PATJ: variants seen among roughly 807,000 people sequenced by gnomAD.
PATJ encodes the protein inaD-like protein.
Under a neutral mutation model 224.9 loss-of-function variants are expected in PATJ, and 190 were observed. That is an observed-to-expected ratio of 0.84 (90% CI 0.75 to 0.95). PATJ has a LOEUF of 0.95. Among genes scored for constraint, PATJ ranks in the 40% least tolerant of loss-of-function variants. PATJ has a pLI of 0.00. For missense variants in PATJ, 2,121 were observed against 2,270.3 expected (o/e 0.93, Z 1.34); for synonymous variants, 769 against 820.3 (o/e 0.94, Z 1.07).
At chr1:61,831,533 A>T (rs536776047) in intron 16 of PATJ, among the ~76,000 whole-genome samples, 1 of 152,362 alleles carries the variant, frequency 6.6e-6, no homozygotes, top group Non-Finnish European at 1.5e-5. Flanking sequence ...CACGTCGCAC[A>T]CTTCTCAAAA....
chr1:61,980,829 C>A (rs928141579), intron 27 of PATJ, among the ~76,000 whole-genome samples: 7 of 151,954 alleles, frequency 4.6e-5, no homozygotes, highest in African/African-American at 1.7e-4. Flanking sequence ...GCTACCATTT[C>A]TCTCTTAAGT....
chr1:61,979,621 C>A (rs770196018), intron 27 of PATJ, among the ~76,000 whole-genome samples: 57 of 148,432 alleles, frequency 3.8e-4, no homozygotes, highest in Non-Finnish European at 8.0e-4. Context: ...CCACTGCACT[C>A]CAGCCTGGCG....
chr1:62,121,226 C>G lies in PATJ; in HGVS notation c.4936C>G (p.Pro1646Ala). 2 of 1,613,932 alleles carry G rather than the reference C, an allele frequency of 1.2e-6. No individual in the cohort carries two copies. Among genetic ancestry groups the G allele is most frequent in the Non-Finnish European group, 1.7e-6 (2 of 1,179,980 alleles). The change falls in exon 38 of 44, where the codon CCT becomes GCT. Residue 1646 changes from proline to alanine, a missense_variant. Coordinates refer to ENST00000642238, the MANE Select transcript of PATJ (RefSeq NM_001350145.3). ...CAGCAGCTGTCATCCCTCCTTCGCTCCTGTCATCACTGGCCTGCAAAACCT... is the reference window on the plus strand; with the variant it reads ...CAGCAGCTGTCATCCCTCCTTCGCTGCTGTCATCACTGGCCTGCAAAACCT... The part of the protein sequence containing the change: ...AHSSCHPSFA[P>A]VITGLQNLVG...
intron 11 of PATJ, among the ~76,000 whole-genome samples, chr1:61,801,023 A>G (rs996139990): frequency 1.3e-5 from 2 of 152,188 alleles, no homozygotes; most frequent in African/African-American, 4.8e-5. Context: ...TATTGTGGAT[A>G]ATGCCGCAAT....
chr1:61,910,713 G>C (rs1672511434), intron 25 of PATJ, among the ~76,000 whole-genome samples: 1 of 151,378 alleles, frequency 6.6e-6, no homozygotes, highest in African/African-American at 2.4e-5. Flanking sequence ...TGCCCAGCTA[G>C]TTTTTGATTT....
chr1:61,872,311 T>G (rs1325789194), intron 20 of PATJ, among the ~76,000 whole-genome samples: 2 of 152,154 alleles, frequency 1.3e-5, no homozygotes, highest in Non-Finnish European at 2.9e-5. Context: ...CCATTAGTTA[T>G]CTGATATAGT....
chr1:61,786,272 T>C (rs1478058939), intron 7 of PATJ, among the ~76,000 whole-genome samples: 1 of 152,206 alleles, frequency 6.6e-6, no homozygotes, highest in Non-Finnish European at 1.5e-5. Flanking sequence ...TCCACCCACC[T>C]TGGCCTCCCA....
intron 22 of PATJ, among the ~76,000 whole-genome samples, chr1:61,898,116 C>G (rs1670629997): frequency 6.6e-6 from 1 of 152,118 alleles, no homozygotes; most frequent in Non-Finnish European, 1.5e-5. Flanking sequence ...AGTATTGAAA[C>G]TTAGGGCTAA....
At chr1:62,050,406 C>T (rs1653390684) in intron 30 of PATJ, among the ~76,000 whole-genome samples, 1 of 152,154 alleles carries the variant, frequency 6.6e-6, no homozygotes, top group African/African-American at 2.4e-5. Flanking sequence ...CCTAGTTTTG[C>T]CAGCAGAGAA....
At chr1:62,105,857 G>A (rs1662846760) in intron 33 of PATJ, among the ~76,000 whole-genome samples, 1 of 151,028 alleles carries the variant, frequency 6.6e-6, no homozygotes, top group African/African-American at 2.4e-5. Flanking sequence ...TAGACCTCTT[G>A]TTTTCTTTTG....
At chr1:61,877,225 C>T (rs1667453802) in intron 21 of PATJ, among the ~76,000 whole-genome samples, 1 of 150,180 alleles carries the variant, frequency 6.7e-6, no homozygotes, top group South Asian at 2.1e-4. Flanking sequence ...ATGTACTGCT[C>T]ACGTGGTTAT....
intron 26 of PATJ, among the ~76,000 whole-genome samples, chr1:61,914,976 TTGC>T (rs1198896760): frequency 6.6e-6 from 1 of 152,194 alleles, no homozygotes; most frequent in East Asian, 1.9e-4. Flanking sequence ...GACTTTGATC[TTGC>T]TGCTCTCGCC....
intron 41 of PATJ, among the ~76,000 whole-genome samples, chr1:62,136,573 G>A (rs953841666): frequency 6.7e-6 from 1 of 149,968 alleles, no homozygotes; most frequent in Non-Finnish European, 1.5e-5. Context: ...CAGCCTTCCT[G>A]TTTGTTTTCA....
intron 31 of PATJ, 57 bp from the exon 32 acceptor site, chr1:62,079,393 A>G: frequency 1.9e-6 from 2 of 1,033,728 alleles, no homozygotes; most frequent in South Asian, 1.3e-5. Context: ...GTTTTAAAGT[A>G]TTTTCTTGTT....
At chr1:62,143,281 G>A (rs1570789021) in intron 41 of PATJ, among the ~76,000 whole-genome samples, 1 of 152,032 alleles carries the variant, frequency 6.6e-6, no homozygotes, top group African/African-American at 2.4e-5. Flanking sequence ...ATCTGGAGGT[G>A]CCATTTACTA....
intron 43 of PATJ, among the ~76,000 whole-genome samples, chr1:62,154,289 TAC>T (rs2149051436): frequency 6.6e-6 from 1 of 152,254 alleles, no homozygotes; most frequent in Admixed American, 6.5e-5. Flanking sequence ...AAATTGATAC[TAC>T]AGTTTTTTTT....
At chr1:61,894,387 C>A (rs545708335) in intron 22 of PATJ, among the ~76,000 whole-genome samples, 1 of 152,250 alleles carries the variant, frequency 6.6e-6, no homozygotes, top group South Asian at 2.1e-4. Context: ...TGTGTCTCTA[C>A]CCAAATCTCA....
At position 62,161,879 on chromosome 1, in the gene PATJ, G is replaced by C. The variant is rs952362561; in HGVS notation, c.*825G>C. The C allele has an allele frequency of 2.0e-5, 3 of 152,176 alleles. No individual in the cohort carries two copies. Among genetic ancestry groups the C allele is most frequent in the Non-Finnish European group, 4.4e-5 (3 of 68,040 alleles). 9.4% of individuals were successfully genotyped at this position (152,176 alleles called of 1,614,324 possible). ...CATTAGCAGTGTAATTAATTTACCA[G>C]TGATCCCCAAGATGAAATACCAGAT... is the stretch of plus-strand genomic sequence containing the variant. On this transcript the variant is annotated 3_prime_UTR_variant, in exon 44 of 44. Coordinates refer to ENST00000642238, the MANE Select transcript of PATJ (RefSeq NM_001350145.3).
intron 28 of PATJ, among the ~76,000 whole-genome samples, chr1:61,997,725 T>A (rs1484195413): frequency 2.0e-5 from 3 of 151,758 alleles, no homozygotes; most frequent in East Asian, 3.9e-4. Flanking sequence ...ACACCCAAGA[T>A]AGTTTCTCAC....
Sources: allele counts gnomAD v4.1 joint callset (sites outside exome capture counted in the v4.1 genomes callset), GRCh38; gene constraint gnomAD v4.1.1; transcripts MANE v1.5; gene names NCBI Gene and HGNC (gene_info 2026-07-23, HGNC 2026-07-21).